Variants in JADE2 observed in about 807,000 individuals in gnomAD.
JADE2 encodes the protein jade family PHD finger 2.
JADE2 carries 13 observed loss-of-function variants against 85.7 expected under a neutral mutation model. The ratio of observed to expected loss-of-function variants is 0.15; its 90% CI spans 0.10 to 0.24. The LOEUF (loss-of-function observed/expected upper bound fraction) is 0.24, where lower values mean the gene tolerates loss of function less well. Among genes scored for constraint, JADE2 ranks in the 10% least tolerant of loss-of-function variants. The pLI is 1.00. For missense variants in JADE2, 846 were observed against 1,115.9 expected (o/e 0.76, Z 3.45); for synonymous variants, 440 against 456.1 (o/e 0.96, Z 0.45).
chr5:134,579,364 G>A lies in JADE2; in HGVS notation c.*47G>A. The A allele has an allele frequency of 7.0e-7, 1 of 1,431,728 alleles. No individual in the cohort carries two copies. 88.7% of individuals were successfully genotyped at this position (1,431,728 alleles called of 1,614,324 possible). ...GGCCCTGCCCTGGTCCCCCCACAAG[G>A]CCTCAGCCCAGTCACAACTGCCATT... On this transcript the variant is annotated 3_prime_UTR_variant, in exon 12 of 12. Transcript: ENST00000681547. The surrounding 1 kb of genome is among the most constrained non-coding windows in gnomAD (Gnocchi z 4.6).
chr5:134,565,999 GT>G, intron 8 of JADE2, 116 bp from the exon 9 acceptor site: 4 of 883,070 alleles, frequency 4.5e-6, no homozygotes, highest in Non-Finnish European at 7.0e-6. Context: ...ATGCCATTCT[GT>G]TTAGGTTCTC....
intron 9 of JADE2, among the ~76,000 whole-genome samples, chr5:134,567,975 C>T (rs1763752369): frequency 6.6e-6 from 1 of 152,202 alleles, no homozygotes; most frequent in South Asian, 2.1e-4. Flanking sequence ...AGGTGTAAGA[C>T]CTTCTGGGAC....
At chr5:134,573,020 C>T (rs1347397474) in intron 9 of JADE2, among the ~76,000 whole-genome samples, 1 of 152,202 alleles carries the variant, frequency 6.6e-6, no homozygotes, top group Non-Finnish European at 1.5e-5. Context: ...CCCAGTGCAG[C>T]GGATAGACAT....
Position 134,578,131 on chromosome 5 carries a change from G to T in JADE2, c.1682-363G>T, listed in dbSNP as rs1006662455. On this transcript the variant is annotated intron_variant, in intron 11 of 11. Transcript: ENST00000681547. The surrounding 1 kb of genome is among the most constrained non-coding windows in gnomAD (Gnocchi z 4.4). ...GCCACCTTGAATTTTCTTTCCCATGGCAGGCTTTCTGGTAAAATCCAAAAA... is the reference window on the plus strand; with the variant it reads ...GCCACCTTGAATTTTCTTTCCCATGTCAGGCTTTCTGGTAAAATCCAAAAA... Among the ~76,000 whole-genome samples the T allele has an allele frequency of 6.6e-6, 1 of 152,136 alleles. No individual in the cohort carries two copies. The highest frequency in any genetic ancestry group is 2.4e-5 in the African/African-American group (1 of 41,422).
intron 9 of JADE2, among the ~76,000 whole-genome samples, chr5:134,568,371 T>A (rs572207391): frequency 1.3e-5 from 2 of 152,292 alleles, no homozygotes; most frequent in Admixed American, 6.5e-5. Context: ...TTCTGTAAAT[T>A]TCCTGGGCAA....
rs142267496 is a variant in JADE2, at chr5:134,543,320, G to A, written c.153+5237G>A. Among the ~76,000 whole-genome samples the A allele has an allele frequency of 8.8e-3, 1,342 of 151,748 alleles. 7 individuals are homozygous for A. The highest frequency in any genetic ancestry group is 0.015 in the Admixed American group (228 of 15,248). On this transcript the variant is annotated intron_variant, in intron 3 of 11. Transcript: ENST00000681547. ...GCTGGGATTACAGGCGTGAGCCACT[G>A]TGCCCCCTAGTACCTGTACTTTTTT...
intron 3 of JADE2, among the ~76,000 whole-genome samples, chr5:134,545,350 C>T (rs1561736122): frequency 6.6e-6 from 1 of 151,940 alleles, no homozygotes; most frequent in Non-Finnish European, 1.5e-5. Context: ...AATAAATTCT[C>T]TTTAAGAGCA....
intron 1 of JADE2, among the ~76,000 whole-genome samples, 173 bp from the exon 2 acceptor site, chr5:134,535,685 T>G (rs1761540420): frequency 6.7e-6 from 1 of 150,310 alleles, no homozygotes; most frequent in Non-Finnish European, 1.5e-5. Context: ...CCAGGGCCTC[T>G]GTGGGTGGGT....
At chr5:134,543,834 G>A (rs1375197743) in intron 3 of JADE2, among the ~76,000 whole-genome samples, 1 of 152,218 alleles carries the variant, frequency 6.6e-6, no homozygotes, top group Non-Finnish European at 1.5e-5. Flanking sequence ...GGTTGAAGGA[G>A]AGGGAGGGAG....
rs1764604524 is a variant in JADE2, at chr5:134,579,717, G to A, written c.*400G>A. 2 of 185,144 alleles carry A rather than the reference G, an allele frequency of 1.1e-5. No homozygotes were observed. Among genetic ancestry groups the A allele is most frequent in the East Asian group, 1.4e-4 (1 of 7,328 alleles). 11.5% of individuals were successfully genotyped at this position (185,144 alleles called of 1,614,324 possible). ...GATGGGCCAGTCCAGGGCCTACCCCGCCTTGCCCCCAGATCCCACTGGGGT... is the reference window on the plus strand; with the variant it reads ...GATGGGCCAGTCCAGGGCCTACCCCACCTTGCCCCCAGATCCCACTGGGGT... On this transcript the variant is annotated 3_prime_UTR_variant, in exon 12 of 12. Coordinates refer to ENST00000681547, the MANE Select transcript of JADE2 (RefSeq NM_001388185.1). The surrounding 1 kb of genome is among the most constrained non-coding windows in gnomAD (Gnocchi z 4.6).
intron 3 of JADE2, among the ~76,000 whole-genome samples, chr5:134,538,975 G>A (rs1404878259): frequency 6.6e-6 from 1 of 151,548 alleles, no homozygotes; most frequent in Non-Finnish European, 1.5e-5. Context: ...TCCTGCCTCA[G>A]CTTCCCGAGT....
At chr5:134,525,299 C>G (rs531672844), upstream of JADE2, among the ~76,000 whole-genome samples, 41 of 152,026 alleles carry the variant, frequency 2.7e-4, no homozygotes, top group African/African-American at 8.7e-4. Flanking sequence ...GTGAGCAGAC[C>G]TGATGGGACT....
At position 134,579,059 on chromosome 5, in the gene JADE2, G is replaced by T. The variant is rs1764563865; in HGVS notation, c.2247G>T (p.Leu749Phe). Residue 749 changes from leucine (L) to phenylalanine (F), a missense_variant, in exon 12 of 12, where the codon TTG becomes TTT. This residue lies in a region of JADE2 where 300 missense variants were observed against 300.7 expected (regional missense o/e 1.00). Transcript: ENST00000681547. This position sits in a 1 kb window ranked among gnomAD's most constrained non-coding sequence, Gnocchi z 4.6. ...GCCCTGCAGCAAGCCCTAAGCCTTT[G>T]GGCCGGCTCCGGCCACCCCGCGAGA... The part of the protein sequence containing the change: ...VPGPAASPKP[L>F]GRLRPPRESK... 2 of 1,613,896 alleles carry T rather than the reference G, an allele frequency of 1.2e-6. No individual in the cohort carries two copies. The highest frequency in any genetic ancestry group is 2.7e-5 in the African/African-American group (2 of 74,938).
chr5:134,560,725 G>A (rs1187851659), intron 5 of JADE2, 21 bp from the exon 6 acceptor site: 2 of 1,606,322 alleles, frequency 1.2e-6, no homozygotes, highest in Non-Finnish European at 1.7e-6. Context: ...ACACCACCAT[G>A]CCCTGCTGTC....
chr5:134,582,643 C>T lies in JADE2; in HGVS notation c.*3326C>T, dbSNP rs914167428. 2 of 152,656 alleles carry T rather than the reference C, an allele frequency of 1.3e-5. No individual in the cohort carries two copies. The highest frequency in any genetic ancestry group is 2.4e-5 in the African/African-American group (1 of 41,452). The allele number at this position is 152,656 out of a possible 1,614,324, so 9.5% of individuals were successfully genotyped here. Reference sequence around the variant, plus strand: ...CCTTGGCCTCGCTGGCCACATTGGCCAATGAGCCAGGGCTGGAGTCTGAGA... The same window carrying T: ...CCTTGGCCTCGCTGGCCACATTGGCTAATGAGCCAGGGCTGGAGTCTGAGA... On this transcript the variant is annotated 3_prime_UTR_variant, in exon 12 of 12. Coordinates refer to ENST00000681547, the MANE Select transcript of JADE2 (RefSeq NM_001388185.1).
At chr5:134,554,082 C>T (rs1762768899) in intron 4 of JADE2, among the ~76,000 whole-genome samples, 1 of 152,128 alleles carries the variant, frequency 6.6e-6, no homozygotes, top group South Asian at 2.1e-4. Flanking sequence ...CCATGTAGAC[C>T]AGGCCTGGGG....
At chr5:134,534,125 A>C (rs1426712436) in intron 1 of JADE2, among the ~76,000 whole-genome samples, 1 of 152,156 alleles carries the variant, frequency 6.6e-6, no homozygotes, top group Non-Finnish European at 1.5e-5. Flanking sequence ...AGAAGTCAGA[A>C]GGTCAAGAGC....
Position 134,579,511 on chromosome 5 carries a change from T to G in JADE2, c.*194T>G, listed in dbSNP as rs958702282. ...TTTCCTCTGTGCTGGCCTAGGACATTAGGATTCCTTCCACGGCTCCGGCCG... is the reference window on the plus strand; with the variant it reads ...TTTCCTCTGTGCTGGCCTAGGACATGAGGATTCCTTCCACGGCTCCGGCCG... On this transcript the variant is annotated 3_prime_UTR_variant, in exon 12 of 12. Coordinates refer to ENST00000681547, the MANE Select transcript of JADE2 (RefSeq NM_001388185.1). The surrounding 1 kb of genome is among the most constrained non-coding windows in gnomAD (Gnocchi z 4.6). 21 of 558,252 alleles carry G rather than the reference T, an allele frequency of 3.8e-5. No individual in the cohort carries two copies. The highest frequency in any genetic ancestry group is 6.3e-5 in the Non-Finnish European group (20 of 318,374). The allele number at this position is 558,252 out of a possible 1,614,324, so 34.6% of individuals were successfully genotyped here. A position where few individuals can be genotyped will look rare whatever the true frequency, so the allele number is the denominator to read the frequency against.
chr5:134,545,733 A>G (rs749115877), intron 3 of JADE2, among the ~76,000 whole-genome samples: 4 of 152,228 alleles, frequency 2.6e-5, no homozygotes, highest in African/African-American at 4.8e-5. Flanking sequence ...CGATATATGT[A>G]AAACTTTAAC....
Sources: gnomAD v4.1 joint callset for allele counts (sites outside exome capture counted in the v4.1 genomes callset) on GRCh38, gnomAD v4.1.1 for gene constraint, gnomAD v4.1.1 regional missense constraint, Gnocchi (gnomAD v3.1) non-coding constraint, MANE v1.5 for transcripts, NCBI Gene and HGNC (gene_info 2026-07-23, HGNC 2026-07-21) for gene names.